PRODH2: variants seen among roughly 807,000 people sequenced by gnomAD.
PRODH2 encodes proline dehydrogenase 2.
Under a neutral mutation model 51.9 loss-of-function variants are expected in PRODH2, and 49 were observed. That is an observed-to-expected ratio of 0.94 (90% CI 0.75 to 1.20). PRODH2 has a LOEUF of 1.20. Ranked by LOEUF, PRODH2 falls within the 50% of genes most tolerant of loss-of-function variation. The pLI is 0.00. For synonymous variants in PRODH2, 249 were observed against 260.7 expected (o/e 0.96, Z 0.43); for missense variants, 597 against 610.9 (o/e 0.98, Z 0.24).
chr19:35,811,994 C>T lies in PRODH2; in HGVS notation c.565G>A (p.Glu189Lys), dbSNP rs1396089512. ...RPGASLELSPERLAEAMDSGQ... is the reference protein window; with the variant it reads ...RPGASLELSPKRLAEAMDSGQ... ...GAGTCCATAGCTTCAGCCAGCCTCT[C>T]GGGGCTCAGCTCCAAGGAGGCTCCT... The change falls in exon 4 of 10, where the codon GAG (glutamate) becomes AAG (lysine). Residue 189 changes from glutamate (E) to lysine (K), a missense_variant. Transcript: ENST00000653904. 24 of 1,614,056 alleles carry T rather than the reference C, an allele frequency of 1.5e-5. No homozygotes were observed. The highest frequency in any genetic ancestry group is 1.3e-4 in the South Asian group (12 of 91,088).
In PRODH2 at chr19:35,805,881, G is replaced by C. The variant is rs117904535; in HGVS notation, c.1001+549C>G. 2.4e-3 allele frequency among the ~76,000 whole-genome samples: 368 copies of C among 152,266 alleles called. 6 individuals are homozygous for C. The East Asian group carries it at 0.04, about 16-fold the overall frequency. ...AAGATCTAAGGAGGTGAGGGATGGG[G>C]CCATGCCACTGTCTGCAGTGGGAAT... On this transcript the variant is annotated intron_variant, in intron 7 of 9. Coordinates refer to ENST00000653904, the MANE Select transcript of PRODH2 (RefSeq NM_021232.2).
chr19:35,811,835 C>T, intron 4 of PRODH2, 127 bp downstream of exon 4: 1 of 906,422 alleles, frequency 1.1e-6, no homozygotes, highest in South Asian at 1.6e-5. Flanking sequence ...CTGGGAGCTA[C>T]AGCTGCACTT....
chr19:35,803,171 T>C, intron 7 of PRODH2, 93 bp from the exon 8 acceptor site: 1 of 745,250 alleles, frequency 1.3e-6, no homozygotes, highest in Non-Finnish European at 2.1e-6. Context: ...AAGGGGTCTC[T>C]GGAACCAGTA....
In PRODH2 at chr19:35,809,994, G is replaced by A. The variant is rs573034176; in HGVS notation, c.597+1968C>T. On this transcript the variant is annotated intron_variant, in intron 4 of 9. Transcript: ENST00000653904. Reference sequence around the variant, plus strand: ...AAAAAAAAAAAAAAAAACGCTGGGCGTGGTGGCTCACGCCTGTAATCCCAG... The same window carrying A: ...AAAAAAAAAAAAAAAAACGCTGGGCATGGTGGCTCACGCCTGTAATCCCAG... 3.7e-4 allele frequency among the ~76,000 whole-genome samples: 42 copies of A among 112,848 alleles called. 1 individual carries two copies. The highest frequency in any genetic ancestry group is 9.9e-4 in the African/African-American group (33 of 33,390). 74.0% of individuals were successfully genotyped at this position (112,848 alleles called of 152,430 possible).
At chr19:35,800,405 C>A (rs941019537) in intron 9 of PRODH2, among the ~76,000 whole-genome samples, 183 bp from the exon 10 acceptor site, 2 of 152,240 alleles carry the variant, frequency 1.3e-5, no homozygotes, top group Non-Finnish European at 2.9e-5. Context: ...CTTGCCACGA[C>A]GCCCGGCTCA....
At chr19:35,800,272 C>T in intron 9 of PRODH2, 50 bp from the exon 10 acceptor site, 2 of 1,468,526 alleles carry the variant, frequency 1.4e-6, no homozygotes. Context: ...TTTTCTGAGA[C>T]AGAGTCTCGC....
rs529802511 is a variant in PRODH2 at position 35,802,734 on chromosome 19, T to A, written c.1112+234A>T. On this transcript the variant is annotated intron_variant, in intron 8 of 9. Transcript: ENST00000653904. Reference sequence around the variant, plus strand: ...CCACACCCAGCTGTTTTTTTTTTTTTAATTTGTTGTAGAAATGGGGTCTTG... The same window carrying A: ...CCACACCCAGCTGTTTTTTTTTTTTAAATTTGTTGTAGAAATGGGGTCTTG... Among the ~76,000 whole-genome samples, 361 of 151,806 alleles carry A rather than the reference T, an allele frequency of 2.4e-3. 3 individuals are homozygous for A. The East Asian group carries it at 0.037, about 16-fold the overall frequency.
rs553353688 is a variant in PRODH2, at chr19:35,803,070, C to T, written c.1010G>A (p.Arg337His). 107 of 1,535,500 alleles carry T rather than the reference C, an allele frequency of 7.0e-5. 1 individual carries two copies. In the South Asian group the frequency reaches 1.1e-3, roughly 17 times the overall value. Residue 337 changes from arginine to histidine, a missense_variant, in exon 8 of 10, where the codon CGC (arginine) becomes CAC (histidine). By Grantham distance (29) the Arg-to-His change is conservative. Transcript: ENST00000653904. ...GTGCGTCAGCATCAGTTCCAGGCAG[C>T]GGCTGTAACTGAAGGGAGATGCTCT... ...DYEATSQSYSRCLELMLTHVA... is the reference protein window; with the variant it reads ...DYEATSQSYSHCLELMLTHVA...
At chr19:35,804,465 C>T (rs1397101961) in intron 7 of PRODH2, among the ~76,000 whole-genome samples, 4 of 152,242 alleles carry the variant, frequency 2.6e-5, no homozygotes, top group African/African-American at 9.6e-5. Context: ...CCCACATCAA[C>T]TCTGGGAGGC....
rs1382783191 is a variant in PRODH2 at position 35,800,228 on chromosome 19, G to A, written c.1199-6C>T. The A allele has an allele frequency of 6.5e-7, 1 of 1,543,650 alleles. No individual in the cohort carries two copies. ...CACTACATAGCCGGCCTGCCCTGCAGGGAGAGTGGGTTTTGTTTTTTCGTT... is the reference window on the plus strand; with the variant it reads ...CACTACATAGCCGGCCTGCCCTGCAAGGAGAGTGGGTTTTGTTTTTTCGTT... On this transcript the variant is annotated splice_polypyrimidine_tract_variant and splice_region_variant and intron_variant, in intron 9 of 9. Transcript: ENST00000653904.
chr19:35,801,954 G>GAGCA lies in PRODH2; in HGVS notation c.1198+233_1198+236dup, dbSNP rs1344841665. On this transcript the variant is annotated intron_variant, in intron 9 of 9. Coordinates refer to ENST00000653904, the MANE Select transcript of PRODH2 (RefSeq NM_021232.2). ...TAATTACCTGGTGTCAGGCCCTGAGGAGCAGCACAGTAAAGATAACAAAAC... is the reference window on the plus strand; with the variant it reads ...TAATTACCTGGTGTCAGGCCCTGAGGAGCAAGCAGCACAGTAAAGATAACAAAAC... The GAGCA allele has an allele frequency of 1.5e-5, 8 of 522,650 alleles. No homozygotes were observed. In the East Asian group the frequency reaches 2.4e-4, roughly 15 times the overall value. The allele number at this position is 522,650 out of a possible 1,614,324, so 32.4% of individuals were successfully genotyped here.
intron 9 of PRODH2, 149 bp from the exon 10 acceptor site, chr19:35,800,371 C>G: frequency 1.4e-6 from 1 of 716,700 alleles, no homozygotes; most frequent in Non-Finnish European, 2.1e-6. Flanking sequence ...GCCTCAGCCT[C>G]CAGAATGGCT....
At chr19:35,805,223 C>A (rs1382493506) in intron 7 of PRODH2, among the ~76,000 whole-genome samples, 2 of 152,076 alleles carry the variant, frequency 1.3e-5, no homozygotes, top group Non-Finnish European at 2.9e-5. Context: ...ATTGTGAATT[C>A]TATGATACGT....
At position 35,800,111 on chromosome 19, in the gene PRODH2, C is replaced by T. The variant is rs1178283450; in HGVS notation, c.1310G>A (p.Arg437His). The T allele has an allele frequency of 8.7e-6, 14 of 1,610,636 alleles. No individual in the cohort carries two copies. Among genetic ancestry groups the T allele is most frequent in the Middle Eastern group, 1.7e-4 (1 of 6,052 alleles). ...QENRSVLQGA[R>H]REQELLSQEL... Reference sequence around the variant, plus strand: ...TTGGCTGAGCAGCTCCTGTTCCCTGCGGGCACCCTGAAGCACGCTCCGGTT... The same window carrying T: ...TTGGCTGAGCAGCTCCTGTTCCCTGTGGGCACCCTGAAGCACGCTCCGGTT... Residue 437 changes from arginine to histidine, a missense_variant, in exon 10 of 10, where the codon CGC becomes CAC. Physicochemically the swap from Arg to His is conservative, Grantham distance 29 (BLOSUM62 0). Coordinates refer to ENST00000653904, the MANE Select transcript of PRODH2 (RefSeq NM_021232.2).
rs1568441762 is a variant in PRODH2, at chr19:35,806,703, ACC to A, written c.804_805del (p.Trp268CysfsTer59). On this transcript the variant is annotated frameshift_variant, in exon 6 of 10. Transcript: ENST00000653904. LOFTEE classifies it high-confidence loss of function. ...TAGACAGGCCTGGTAGGTGTTCCAC[ACC>A]CAGGGCCCGCCTTCACCCGGGCTGT... is the stretch of plus-strand genomic sequence containing the variant. The A allele has an allele frequency of 6.2e-7, 1 of 1,614,102 alleles. No homozygotes were observed.
chr19:35,806,388 G>C (rs1393154262), intron 7 of PRODH2, 42 bp downstream of exon 7: 1 of 1,610,202 alleles, frequency 6.2e-7, no homozygotes, highest in East Asian at 2.2e-5. Context: ...CCAACCACTA[G>C]GTGTTATTAT....
rs370842409 is a variant in PRODH2, at chr19:35,812,247, C to T, written c.397G>A (p.Gly133Ser). 6 of 1,613,684 alleles carry T rather than the reference C, an allele frequency of 3.7e-6. No individual in the cohort carries two copies. Among genetic ancestry groups the T allele is most frequent in the Non-Finnish European group, 5.1e-6 (6 of 1,180,006 alleles). Residue 133 changes from glycine to serine, a missense_variant, in exon 3 of 10, where the codon GGT (glycine) becomes AGT (serine). By Grantham distance (56) the Gly-to-Ser change is moderately conservative. Transcript: ENST00000653904. ...AGGTCCACACACCGCAGCATAGCAC[C>T]GAGGTTCCCCTCATACCACGCCTCA... The part of the protein sequence containing the change: ...SGEAWYEGNL[G>S]AMLRCVDLSR...
intron 7 of PRODH2, among the ~76,000 whole-genome samples, chr19:35,805,979 G>A (rs958936368): frequency 2.0e-4 from 30 of 152,262 alleles, no homozygotes; most frequent in Admixed American, 5.9e-4. Flanking sequence ...CTGTAGTGGA[G>A]TGAGGGAGAG....
chr19:35,802,605 AG>A (rs1349838659), intron 8 of PRODH2: 5 of 451,470 alleles, frequency 1.1e-5, no homozygotes, highest in Admixed American at 6.8e-5. Context: ...TTTGTTACCC[AG>A]GCTGGAGTGC....
Sources: allele counts gnomAD v4.1 joint callset (sites outside exome capture counted in the v4.1 genomes callset), GRCh38; gene constraint gnomAD v4.1.1; transcripts MANE v1.5; gene names NCBI Gene and HGNC (gene_info 2026-07-23, HGNC 2026-07-21).